OXTR: variants seen among roughly 807,000 people sequenced by gnomAD.
OXTR encodes oxytocin receptor.
In OXTR, 19 loss-of-function variants were observed where a neutral mutation model predicts 23.9. The ratio of observed to expected loss-of-function variants is 0.80; its 90% CI spans 0.56 to 1.17. The LOEUF (loss-of-function observed/expected upper bound fraction) is 1.17. Ranked by LOEUF, OXTR falls within the 50% of genes most tolerant of loss-of-function variation. The pLI is 0.00. For synonymous variants in OXTR, 278 were observed against 250.5 expected, an observed-to-expected ratio of 1.11 and a Z score of -1.04; for missense variants, 500 against 550.7, an observed-to-expected ratio of 0.91 and a Z score of 0.92.
downstream of OXTR, among the ~76,000 whole-genome samples, chr3:8,749,868 G>A (rs553249991): frequency 2.6e-4 from 39 of 152,322 alleles, no homozygotes; most frequent in African/African-American, 8.4e-4. Flanking sequence ...ACTGCAGCAT[G>A]GAGGAAGAAT....
chr3:8,757,976 T>C (rs1301028269), intron 3 of OXTR, among the ~76,000 whole-genome samples: 1 of 151,928 alleles, frequency 6.6e-6, no homozygotes. Context: ...GGGTAAAGCA[T>C]TTGGGGAAGG....
intron 3 of OXTR, among the ~76,000 whole-genome samples, chr3:8,753,871 G>A (rs531931162): frequency 3.3e-4 from 51 of 152,294 alleles, no homozygotes; most frequent in African/African-American, 1.0e-3. Flanking sequence ...GGTAGGCACC[G>A]GAAGGGGGTG....
downstream of OXTR, among the ~76,000 whole-genome samples, chr3:8,750,031 T>A (rs768702891): frequency 1.3e-5 from 2 of 152,166 alleles, no homozygotes; most frequent in African/African-American, 2.4e-5. Flanking sequence ...TGATCAGTAG[T>A]GTCCTGTATT....
downstream of OXTR, chr3:8,745,947 G>A (rs1308090653): frequency 1.2e-5 from 14 of 1,148,630 alleles, no homozygotes; most frequent in Non-Finnish European, 1.8e-5. This position sits in a 1 kb window ranked among gnomAD's most constrained non-coding sequence, Gnocchi z 4.8. Flanking sequence ...CACAGGGGCT[G>A]CTGGCGAGCT....
In OXTR at chr3:8,768,130, G is replaced by T; in HGVS notation, c.58C>A (p.Pro20Thr). 7.4e-7 allele frequency: 1 copy of T among 1,354,024 alleles called. No homozygotes were observed. Among genetic ancestry groups the T allele is most frequent in the Non-Finnish European group, 9.4e-7 (1 of 1,061,416 alleles). The allele number at this position is 1,354,024 out of a possible 1,614,324, so 83.9% of individuals were successfully genotyped here. The change falls in exon 3 of 4, where the codon CCG becomes ACG. Residue 20 changes from proline (P) to threonine (T), a missense_variant. Physicochemically the swap from Pro to Thr is conservative, Grantham distance 38. Transcript: ENST00000316793. The surrounding 1 kb of genome is among the most constrained non-coding windows in gnomAD (Gnocchi z 5.4). The stretch of plus-strand genomic sequence containing the variant: ...GTGCGGTTGCCCTCGGCCCCCGGCG[G>T]CGCGGCGCTGGCGTTGGCTGCCTCG... ...SAEAANASAA[P>T]PGAEGNRTAG... is the part of the protein sequence containing the mutation.
intron 3 of OXTR, among the ~76,000 whole-genome samples, chr3:8,756,086 G>A (rs1708367222): frequency 6.6e-6 from 1 of 152,262 alleles, no homozygotes. Context: ...GAGCGACTAC[G>A]GATTCCACTT....
At chr3:8,747,556 G>T (rs1708191406), downstream of OXTR, among the ~76,000 whole-genome samples, 1 of 152,156 alleles carries the variant, frequency 6.6e-6, no homozygotes, top group African/African-American at 2.4e-5. Flanking sequence ...TTTAGCCCTT[G>T]TTTCTGCAGA....
downstream of OXTR, among the ~76,000 whole-genome samples, chr3:8,747,291 G>C (rs1353979751): frequency 6.6e-6 from 1 of 152,086 alleles, no homozygotes; most frequent in Non-Finnish European, 1.5e-5. Context: ...CCCACAAATT[G>C]ATCTCTAATG....
chr3:8,752,432 GGT>G lies in OXTR; in HGVS notation c.*543_*544del, dbSNP rs1377253296. On this transcript the variant is annotated 3_prime_UTR_variant, in exon 4 of 4. Coordinates refer to ENST00000316793, the MANE Select transcript of OXTR (RefSeq NM_000916.4). ...TTCTAATAGGTCCACTGCGCCAGATGGTCTTACAAGGTAATCCCCTTCTCTTA... is the reference window on the plus strand; with the variant it reads ...TTCTAATAGGTCCACTGCGCCAGATGCTTACAAGGTAATCCCCTTCTCTTA... The G allele has an allele frequency of 6.5e-6, 1 of 152,894 alleles. No homozygotes were observed. Among genetic ancestry groups the G allele is most frequent in the Non-Finnish European group, 1.5e-5 (1 of 68,322 alleles). The allele number at this position is 152,894 out of a possible 1,614,324, so 9.5% of individuals were successfully genotyped here. A position where few individuals can be genotyped will look rare whatever the true frequency, so the allele number is the denominator to read the frequency against.
the OXTR span, among the ~76,000 whole-genome samples, chr3:8,744,417 T>C: frequency 1.3e-5 from 2 of 150,334 alleles, no homozygotes; most frequent in Admixed American, 1.3e-4. Context: ...TAGCTGGGAC[T>C]ACAGACACCC....
At position 8,768,196 on chromosome 3, in the gene OXTR, C is replaced by T. The variant is rs1321536654; in HGVS notation, c.-9G>A. The T allele has an allele frequency of 1.6e-6, 2 of 1,285,852 alleles. No individual in the cohort carries two copies. Among genetic ancestry groups the T allele is most frequent in the South Asian group, 2.7e-5 (1 of 36,932 alleles). 79.7% of individuals were successfully genotyped at this position (1,285,852 alleles called of 1,614,324 possible). On this transcript the variant is annotated 5_prime_UTR_variant, in exon 3 of 4. Transcript: ENST00000316793. This position sits in a 1 kb window ranked among gnomAD's most constrained non-coding sequence, Gnocchi z 5.4. ...GCGAGCGCGCCCTCCATGACCCTGG[C>T]GGCAGCGGTGCGCCCCGGCCTTCGA... is the stretch of plus-strand genomic sequence containing the variant.
At chr3:8,762,657 A>T (rs995459172) in intron 3 of OXTR, among the ~76,000 whole-genome samples, 1 of 152,238 alleles carries the variant, frequency 6.6e-6, no homozygotes, top group Non-Finnish European at 1.5e-5. Context: ...ATTCATGGAA[A>T]GGAAAGGTGT....
At chr3:8,759,427 C>T (rs939266338) in intron 3 of OXTR, among the ~76,000 whole-genome samples, 2 of 152,158 alleles carry the variant, frequency 1.3e-5, no homozygotes, top group African/African-American at 2.4e-5. Context: ...TTGGTAGCTC[C>T]GTCCTTAGGC....
At position 8,767,400 on chromosome 3, in the gene OXTR, A is replaced by T; in HGVS notation, c.788T>A (p.Val263Asp). ...GRVALARVSS[V>D]KLISKAKIRT... Reference sequence around the variant, plus strand: ...GATCTTGGCCTTGGAGATGAGCTTGACGCTGCTGACACGCGCCAGGGCCAC... The same window carrying T: ...GATCTTGGCCTTGGAGATGAGCTTGTCGCTGCTGACACGCGCCAGGGCCAC... Residue 263 changes from valine to aspartate, a missense_variant, in exon 3 of 4, where the codon GTC becomes GAC. Val to Asp is a radical substitution (Grantham distance 152, BLOSUM62 -3). Coordinates refer to ENST00000316793, the MANE Select transcript of OXTR (RefSeq NM_000916.4). 1 of 1,612,142 alleles carries T rather than the reference A, an allele frequency of 6.2e-7. No individual in the cohort carries two copies. Among genetic ancestry groups the T allele is most frequent in the Non-Finnish European group, 8.5e-7 (1 of 1,179,338 alleles).
intron 3 of OXTR, among the ~76,000 whole-genome samples, chr3:8,762,504 G>A (rs541294108): frequency 6.6e-6 from 1 of 152,330 alleles, no homozygotes; most frequent in South Asian, 2.1e-4. Flanking sequence ...ACCCAGAAGG[G>A]CCGAGCTTGT....
chr3:8,767,517 C>T lies in OXTR; in HGVS notation c.671G>A (p.Ser224Asn), dbSNP rs201379765. 1 of 1,612,620 alleles carries T rather than the reference C, an allele frequency of 6.2e-7. No homozygotes were observed. Among genetic ancestry groups the T allele is most frequent in the South Asian group, 1.1e-5 (1 of 91,006 alleles). ...IVLAACYGLI[S>N]FKIWQNLRLK... ...CCGCAAGTTCTGCCAGATCTTGAAG[C>T]TGATAAGGCCGTAGCAGGCAGCGAG... is the stretch of plus-strand genomic sequence containing the variant. The change falls in exon 3 of 4, where the codon AGC becomes AAC. Residue 224 changes from serine (S) to asparagine (N), a missense_variant. Coordinates refer to ENST00000316793, the MANE Select transcript of OXTR (RefSeq NM_000916.4).
chr3:8,753,119 C>G lies in OXTR; in HGVS notation c.1028G>C (p.Arg343Pro). Residue 343 changes from arginine (R) to proline (P), a missense_variant, in exon 4 of 4, where the codon CGC (arginine) becomes CCC (proline). Arg to Pro is a moderately radical substitution (Grantham distance 103). Coordinates refer to ENST00000316793, the MANE Select transcript of OXTR (RefSeq NM_000916.4). ...TGHLFHELVQ[R>P]FLCCSASYLK... ...GTAGCTGGCGGAGCAGCACAGGAAG[C>G]GCTGCACGAGTTCGTGGAAGAGGTG... The G allele has an allele frequency of 3.7e-6, 6 of 1,614,110 alleles. No homozygotes were observed. Among genetic ancestry groups the G allele is most frequent in the Non-Finnish European group, 4.2e-6 (5 of 1,180,024 alleles).
intron 3 of OXTR, among the ~76,000 whole-genome samples, chr3:8,761,610 C>A (rs1407712766): frequency 6.6e-6 from 1 of 152,176 alleles, no homozygotes; most frequent in African/African-American, 2.4e-5. Flanking sequence ...CAGGTCACAC[C>A]TCTCTAAGCC....
chr3:8,760,344 C>G (rs1575487136), intron 3 of OXTR, among the ~76,000 whole-genome samples: 1 of 152,330 alleles, frequency 6.6e-6, no homozygotes, highest in Middle Eastern at 3.4e-3. Flanking sequence ...TCAACCTTGA[C>G]CACACGGTCC....
Sources: gnomAD v4.1 joint callset for allele counts (sites outside exome capture counted in the v4.1 genomes callset) on GRCh38, gnomAD v4.1.1 for gene constraint, Gnocchi (gnomAD v3.1) non-coding constraint, MANE v1.5 for transcripts, NCBI Gene and HGNC (gene_info 2026-07-23, HGNC 2026-07-21) for gene names.